The following TENM3 variants were observed in gnomAD, a reference collection of about 807,000 sequenced individuals.
TENM3 encodes the protein teneurin-3.
TENM3 carries 63 observed loss-of-function variants against 255.1 expected under a neutral mutation model. The ratio of observed to expected loss-of-function variants is 0.25; its 90% confidence interval spans 0.20 to 0.30. TENM3 has a LOEUF of 0.30. TENM3 is among the 10% of genes least tolerant of loss of function. The pLI is 1.00. For missense variants in TENM3, 2,929 were observed against 3,461.1 expected (o/e 0.85, Z 3.86); for synonymous variants, 1,306 against 1,322.3 (o/e 0.99, Z 0.27).
chr4:182,135,412 A>G, the TENM3 span, among the ~76,000 whole-genome samples: 1 of 152,148 alleles, frequency 6.6e-6, no homozygotes, highest in Non-Finnish European at 1.5e-5. Context: ...TTAGGTTTCC[A>G]GACTAAGGTA....
chr4:181,541,398 A>T, the TENM3 span, among the ~76,000 whole-genome samples: 2 of 152,008 alleles, frequency 1.3e-5, no homozygotes, highest in Admixed American at 1.3e-4. Context: ...AAAAAAATTA[A>T]AAAGTTCAAA....
At position 182,445,677 on chromosome 4, in the gene TENM3, G is replaced by A. The variant is rs570166148; in HGVS notation, c.511+98748G>A. Among the ~76,000 whole-genome samples, 130 of 151,680 alleles carry A rather than the reference G, an allele frequency of 8.6e-4. 1 individual carries two copies. Among genetic ancestry groups the A allele is most frequent in the African/African-American group, 2.9e-3 (119 of 41,314 alleles). On this transcript the variant is annotated intron_variant, in intron 3 of 27. Transcript: ENST00000511685. ...TCATGCATTTTTAAAAATCTTCCTCGTGGTGTTCGGTCATTAGATTTTTAT... is the reference window on the plus strand; with the variant it reads ...TCATGCATTTTTAAAAATCTTCCTCATGGTGTTCGGTCATTAGATTTTTAT...
intron 16 of TENM3, among the ~76,000 whole-genome samples, chr4:182,733,760 A>G (rs943491459): frequency 2.0e-5 from 3 of 152,192 alleles, no homozygotes; most frequent in Non-Finnish European, 4.4e-5. Context: ...CTTTGAGCTG[A>G]AACTTTTAAG....
the TENM3 span, among the ~76,000 whole-genome samples, chr4:181,552,719 T>C: frequency 6.6e-6 from 1 of 152,188 alleles, no homozygotes; most frequent in Non-Finnish European, 1.5e-5. Flanking sequence ...AGATTTACTG[T>C]GTAAGAGATG....
At chr4:182,345,940 A>C (rs1764769697) in intron 2 of TENM3, among the ~76,000 whole-genome samples, 1 of 152,158 alleles carries the variant, frequency 6.6e-6, no homozygotes, top group Admixed American at 6.5e-5. Flanking sequence ...ATCAATACAG[A>C]TGTTTTCAGG....
the TENM3 span, among the ~76,000 whole-genome samples, chr4:181,705,817 T>A: frequency 5.3e-5 from 8 of 152,082 alleles, no homozygotes; most frequent in South Asian, 1.2e-3. Context: ...GGGAGCAAAT[T>A]TTGTGAGTGT....
chr4:182,575,797 T>TA (rs1307772518), intron 3 of TENM3, among the ~76,000 whole-genome samples: 9 of 152,320 alleles, frequency 5.9e-5, no homozygotes, highest in African/African-American at 2.2e-4. Context: ...TTAGATATAA[T>TA]ACTGTATTAA....
chr4:182,579,228 T>C (rs920360255), intron 3 of TENM3, among the ~76,000 whole-genome samples: 5 of 152,190 alleles, frequency 3.3e-5, no homozygotes, highest in African/African-American at 9.7e-5. Context: ...TTAAACAGAA[T>C]ATATTGGAGT....
chr4:181,749,543 T>G, the TENM3 span, among the ~76,000 whole-genome samples: 1 of 152,188 alleles, frequency 6.6e-6, no homozygotes, highest in East Asian at 1.9e-4. Context: ...AGTATGTGAC[T>G]GTAATAAAGA....
At chr4:182,370,365 G>T (rs887140506) in intron 3 of TENM3, among the ~76,000 whole-genome samples, 1 of 152,114 alleles carries the variant, frequency 6.6e-6, no homozygotes, top group Non-Finnish European at 1.5e-5. Flanking sequence ...CGCCTACAGA[G>T]CTATTCTTTT....
chr4:182,267,330 A>AT (rs1759306208), intron 1 of TENM3, among the ~76,000 whole-genome samples: 1 of 152,186 alleles, frequency 6.6e-6, no homozygotes, highest in Non-Finnish European at 1.5e-5. Flanking sequence ...CAATATAATT[A>AT]TTTGCATAGG....
the TENM3 span, among the ~76,000 whole-genome samples, chr4:181,712,484 C>T: frequency 6.6e-6 from 1 of 152,196 alleles, no homozygotes; most frequent in African/African-American, 2.4e-5. Context: ...TCCCCAGAAG[C>T]ATAGCCGATG....
chr4:182,307,436 A>G (rs1381321008), intron 1 of TENM3, among the ~76,000 whole-genome samples: 1 of 152,178 alleles, frequency 6.6e-6, no homozygotes, highest in East Asian at 1.9e-4. Flanking sequence ...CTGGACTAGG[A>G]CAAAATGCCA....
At chr4:182,650,208 C>G (rs1753133024) in intron 5 of TENM3, among the ~76,000 whole-genome samples, 1 of 150,128 alleles carries the variant, frequency 6.7e-6, no homozygotes, top group Admixed American at 6.7e-5. Flanking sequence ...GCACAAGGAC[C>G]ATGTCTGTGG....
chr4:182,308,272 T>A (rs970656360), intron 1 of TENM3, among the ~76,000 whole-genome samples: 15 of 151,924 alleles, frequency 9.9e-5, no homozygotes, highest in African/African-American at 2.9e-4. Context: ...GGGCGTTGTC[T>A]ACCTGACCCA....
At chr4:181,710,509 A>G in the TENM3 span, among the ~76,000 whole-genome samples, 1 of 152,002 alleles carries the variant, frequency 6.6e-6, no homozygotes, top group Non-Finnish European at 1.5e-5. Flanking sequence ...CAAGGTCAAG[A>G]GATCAAGACC....
intron 3 of TENM3, among the ~76,000 whole-genome samples, chr4:182,478,793 G>A (rs1733920650): frequency 6.6e-6 from 1 of 151,718 alleles, no homozygotes; most frequent in Admixed American, 6.6e-5. Context: ...TAAATTTTGT[G>A]TTGGTTATAT....
At chr4:181,893,809 A>G in the TENM3 span, among the ~76,000 whole-genome samples, 25 of 152,296 alleles carry the variant, frequency 1.6e-4, no homozygotes, top group African/African-American at 5.8e-4. Context: ...ACAGTCCCAC[A>G]CTATACAGAG....
the TENM3 span, among the ~76,000 whole-genome samples, chr4:182,101,212 G>A: frequency 0.034 from 177 of 5,262 alleles, 1 homozygote; most frequent in Middle Eastern, 0.5. Flanking sequence ...AGAAGGGAGG[G>A]AGGAAGGAAA....
Sources: allele counts gnomAD v4.1 joint callset (sites outside exome capture counted in the v4.1 genomes callset), GRCh38; gene constraint gnomAD v4.1.1; transcripts MANE v1.5; gene names NCBI Gene and HGNC (gene_info 2026-07-23, HGNC 2026-07-21).